Variants in HFM1 observed in about 807,000 individuals in gnomAD.
HFM1 encodes the protein probable ATP-dependent DNA helicase HFM1.
HFM1 carries 169 observed loss-of-function variants against 192.1 expected under a neutral mutation model. The observed-to-expected ratio is 0.88, with a 90% CI of 0.78 to 1.00. The LOEUF (loss-of-function observed/expected upper bound fraction) is 1.00, where lower values mean the gene tolerates loss of function less well. HFM1 is among the 50% of genes least tolerant of loss of function. The pLI, the probability that HFM1 is intolerant of heterozygous loss-of-function variation, is 0.00. For synonymous variants in HFM1, 525 were observed against 537.8 expected (o/e 0.98, Z 0.33); for missense variants, 1,661 against 1,668.0 (o/e 1.00, Z 0.07).
intron 36 of HFM1, among the ~76,000 whole-genome samples, chr1:91,264,240 C>T (rs1050344252): frequency 1.8e-4 from 27 of 151,498 alleles, no homozygotes; most frequent in South Asian, 8.3e-4. Context: ...GGAGACTAAA[C>T]AATACCAAAG....
chr1:91,381,807 T>C (rs1661575361), intron 6 of HFM1, among the ~76,000 whole-genome samples: 1 of 152,180 alleles, frequency 6.6e-6, no homozygotes, highest in African/African-American at 2.4e-5. Context: ...TAAGAACATA[T>C]CTGAGAACAC....
At chr1:91,307,335 T>C (rs781213521) in intron 30 of HFM1, among the ~76,000 whole-genome samples, 1 of 152,240 alleles carries the variant, frequency 6.6e-6, no homozygotes, top group Non-Finnish European at 1.5e-5. Context: ...CTGTTTTACA[T>C]AGTCTACTTA....
At chr1:91,379,996 T>C (rs887925660) in intron 8 of HFM1, 108 bp downstream of exon 8, 13 of 487,522 alleles carry the variant, frequency 2.7e-5, no homozygotes, top group East Asian at 6.9e-5. Flanking sequence ...TAGAAATATA[T>C]AGAAAATCAA....
upstream of HFM1, among the ~76,000 whole-genome samples, chr1:91,406,800 AC>A (rs1211364923): frequency 2.0e-5 from 3 of 152,116 alleles, no homozygotes; most frequent in Non-Finnish European, 2.9e-5. Context: ...AATGACTCAG[AC>A]CCTCTGGAAA....
chr1:91,284,462 G>C (rs1416046081), intron 30 of HFM1, among the ~76,000 whole-genome samples: 6 of 152,032 alleles, frequency 3.9e-5, no homozygotes, highest in Non-Finnish European at 2.9e-5. Flanking sequence ...ACATTGGCCA[G>C]GCTAGTCTGG....
chr1:91,321,226 T>C lies in HFM1; in HGVS notation c.2582+1724A>G, dbSNP rs556311635. Among the ~76,000 whole-genome samples, 34 of 152,186 alleles carry C rather than the reference T, an allele frequency of 2.2e-4. 1 individual carries two copies. The South Asian group carries it at 6.8e-3, about 31-fold the overall frequency. ...GGAGGCCGAGGCAGGTGGATCACCT[T>C]TGAGGTCAGGAGTTTGGGACAAGAC... On this transcript the variant is annotated intron_variant, in intron 23 of 38. Transcript: ENST00000370425.
intron 20 of HFM1, among the ~76,000 whole-genome samples, chr1:91,331,746 A>C (rs1823868): frequency 0.1 from 15,640 of 152,184 alleles, 837 homozygotes; most frequent in East Asian, 0.16. Flanking sequence ...AAATACAAAA[A>C]TTAGCTGGGT....
chr1:91,361,163 A>G (rs71668071), intron 13 of HFM1, among the ~76,000 whole-genome samples: 1 of 152,080 alleles, frequency 6.6e-6, no homozygotes, highest in Non-Finnish European at 1.5e-5. Flanking sequence ...AACAAACCCC[A>G]AAGCTAGCAG....
At chr1:91,281,580 A>C (rs1667464092) in intron 30 of HFM1, among the ~76,000 whole-genome samples, 1 of 152,150 alleles carries the variant, frequency 6.6e-6, no homozygotes, top group South Asian at 2.1e-4. Context: ...CTCAATTTTG[A>C]GCAACTGCCT....
chr1:91,309,125 C>T (rs1438390736), intron 30 of HFM1, among the ~76,000 whole-genome samples: 4 of 152,182 alleles, frequency 2.6e-5, no homozygotes, highest in Non-Finnish European at 5.9e-5. Flanking sequence ...TAAATGCGTT[C>T]TTCCTGTCAC....
chr1:91,294,614 G>C (rs1384005009), intron 30 of HFM1, among the ~76,000 whole-genome samples: 1 of 152,228 alleles, frequency 6.6e-6, no homozygotes, highest in Non-Finnish European at 1.5e-5. Flanking sequence ...TACAAAGACA[G>C]AGTTGCATAG....
intron 23 of HFM1, 83 bp downstream of exon 23, chr1:91,322,867 A>G: frequency 1.6e-6 from 1 of 611,314 alleles, no homozygotes; most frequent in South Asian, 3.3e-5. Flanking sequence ...TTTTTATGTA[A>G]TCTTTTCTGT....
intron 30 of HFM1, among the ~76,000 whole-genome samples, chr1:91,293,876 A>G (rs1213214939): frequency 5.3e-5 from 8 of 151,034 alleles, no homozygotes; most frequent in African/African-American, 2.0e-4. Flanking sequence ...GCCATAAAAA[A>G]TGATGAGTTC....
chr1:91,310,534 A>T (rs1650286592), intron 30 of HFM1, among the ~76,000 whole-genome samples: 1 of 152,208 alleles, frequency 6.6e-6, no homozygotes, highest in Admixed American at 6.5e-5. Flanking sequence ...AGTATGGAAA[A>T]GGAAAAACGT....
chr1:91,403,261 T>C (rs573533595), intron 1 of HFM1, among the ~76,000 whole-genome samples: 6 of 152,256 alleles, frequency 3.9e-5, no homozygotes, highest in South Asian at 2.1e-4. Flanking sequence ...TAAGAATGCA[T>C]TGTGGAATAA....
intron 35 of HFM1, 130 bp from the exon 36 acceptor site, chr1:91,266,237 CTAATT>C (rs772888824): frequency 1.9e-5 from 13 of 678,506 alleles, no homozygotes; most frequent in Non-Finnish European, 3.1e-5. Flanking sequence ...TCTCAGTAAC[CTAATT>C]TAATTTGCAT....
intron 13 of HFM1, among the ~76,000 whole-genome samples, chr1:91,356,191 G>A (rs1571080272): frequency 6.6e-6 from 1 of 150,432 alleles, no homozygotes; most frequent in South Asian, 2.1e-4. Flanking sequence ...AGTAACAATG[G>A]AAAGACAACA....
rs1651243362 is a variant in HFM1, at chr1:91,316,488, TAATC to T, written c.2813-16_2813-13del. 1 of 1,262,566 alleles carries T rather than the reference TAATC, an allele frequency of 7.9e-7. No homozygotes were observed. Among genetic ancestry groups the T allele is most frequent in the Non-Finnish European group, 1.1e-6 (1 of 917,644 alleles). The allele number at this position is 1,262,566 out of a possible 1,614,324, so 78.2% of individuals were successfully genotyped here. ...TGACAATGTTATACCTGTGGAAAAT[TAATC>T]AAACAACAACTTAAAAATAATGCAC... On this transcript the variant is annotated splice_polypyrimidine_tract_variant and intron_variant, in intron 25 of 38. Coordinates refer to ENST00000370425, the MANE Select transcript of HFM1 (RefSeq NM_001017975.6).
chr1:91,389,011 T>C (rs558413081), intron 4 of HFM1, among the ~76,000 whole-genome samples: 1 of 152,046 alleles, frequency 6.6e-6, no homozygotes, highest in African/African-American at 2.4e-5. Flanking sequence ...AAAGAAGACA[T>C]ACGAATGGCT....
Sources: gnomAD v4.1 joint callset for allele counts (sites outside exome capture counted in the v4.1 genomes callset) on GRCh38, gnomAD v4.1.1 for gene constraint, MANE v1.5 for transcripts, NCBI Gene and HGNC (gene_info 2026-07-23, HGNC 2026-07-21) for gene names.